The following BAIAP2L1 variants were observed in gnomAD, a reference collection of about 807,000 sequenced individuals.
BAIAP2L1 encodes BAR/IMD domain-containing adapter protein 2-like 1.
A neutral mutation model predicts 66.3 loss-of-function variants in BAIAP2L1; 35 were observed. That is an observed-to-expected ratio of 0.53 (90% CI 0.40 to 0.70). The LOEUF (loss-of-function observed/expected upper bound fraction) is 0.70. Among genes scored for constraint, BAIAP2L1 ranks in the 30% least tolerant of loss-of-function variants. BAIAP2L1 has a pLI of 0.00. For missense variants in BAIAP2L1, 622 were observed against 656.9 expected (o/e 0.95, Z 0.58); for synonymous variants, 269 against 248.7 (o/e 1.08, Z -0.77).
At position 98,292,717 on chromosome 7, in the gene BAIAP2L1, G is replaced by A. The variant is rs568371199; in HGVS notation, c.*804C>T. 4.2e-4 allele frequency: 656 copies of A among 1,551,584 alleles called. 8 individuals are homozygous for A. The South Asian group carries it at 6.5e-3, about 15-fold the overall frequency. On this transcript the variant is annotated 3_prime_UTR_variant, in exon 14 of 14. Coordinates refer to ENST00000005260, the MANE Select transcript of BAIAP2L1 (RefSeq NM_018842.5). ...TCAAACACGGAGAAACCAGGACCCC[G>A]AGCAGTTTGAGTGTACTGGTAATGG...
At chr7:98,393,178 CAT>C (rs1491335817) in intron 1 of BAIAP2L1, among the ~76,000 whole-genome samples, 7 of 78,218 alleles carry the variant, frequency 8.9e-5, no homozygotes, top group African/African-American at 2.0e-4. Context: ...TATATATATA[CAT>C]ATATGTGTGT....
chr7:98,312,781 G>A (rs1241105112), intron 7 of BAIAP2L1, among the ~76,000 whole-genome samples: 1 of 152,140 alleles, frequency 6.6e-6, no homozygotes, highest in Non-Finnish European at 1.5e-5. Flanking sequence ...GGGCAGTGCT[G>A]AGGGACGCCC....
intron 1 of BAIAP2L1, among the ~76,000 whole-genome samples, chr7:98,383,917 G>GCCGAGGGAGT (rs987125070): frequency 6.6e-6 from 1 of 151,986 alleles, no homozygotes; most frequent in African/African-American, 2.4e-5. Flanking sequence ...ATTTTGGGAG[G>GCCGAGGGAGT]CTGAGGCGGG....
intron 3 of BAIAP2L1, among the ~76,000 whole-genome samples, chr7:98,344,068 T>C (rs1307164214): frequency 1.3e-5 from 2 of 152,056 alleles, no homozygotes; most frequent in Non-Finnish European, 2.9e-5. Context: ...GTCCCAGCTA[T>C]AGGGAGGCTG....
At chr7:98,313,922 G>A (rs1027245443) in intron 7 of BAIAP2L1, among the ~76,000 whole-genome samples, 2 of 150,396 alleles carry the variant, frequency 1.3e-5, no homozygotes, top group Non-Finnish European at 2.9e-5. Flanking sequence ...GAGCCACTGT[G>A]CCTGGCCTGC....
intron 1 of BAIAP2L1, among the ~76,000 whole-genome samples, chr7:98,368,925 G>A (rs976748595): frequency 2.0e-5 from 3 of 151,494 alleles, no homozygotes; most frequent in Admixed American, 1.3e-4. Context: ...AAGCTGCTAT[G>A]AGCGATCGCA....
At chr7:98,346,554 T>C (rs534534010) in intron 3 of BAIAP2L1, among the ~76,000 whole-genome samples, 1 of 152,274 alleles carries the variant, frequency 6.6e-6, no homozygotes, top group South Asian at 2.1e-4. Flanking sequence ...GGTCCTAGAA[T>C]ATCCAAGGTA....
In BAIAP2L1 at chr7:98,292,235, C is replaced by A; in HGVS notation, c.*1286G>T. On this transcript the variant is annotated 3_prime_UTR_variant, in exon 14 of 14. Transcript: ENST00000005260. ...AAGGAGAGGGGATAAGTCACAGCCC[C>A]AGCACCCAGCAACACACACGGTGAG... The A allele has an allele frequency of 4.1e-6, 1 of 244,300 alleles. No homozygotes were observed. 15.1% of individuals were successfully genotyped at this position (244,300 alleles called of 1,614,324 possible). A position where few individuals can be genotyped will look rare whatever the true frequency, so the allele number is the denominator to read the frequency against.
At chr7:98,340,959 G>GTTTTT (rs72057720) in intron 3 of BAIAP2L1, among the ~76,000 whole-genome samples, 10,208 of 129,398 alleles carry the variant, frequency 0.079, 717 homozygotes, top group Non-Finnish European at 0.12. Flanking sequence ...CAGCTAATTG[G>GTTTTT]TTTTTTTTTT....
At position 98,401,013 on chromosome 7, in the gene BAIAP2L1, G is replaced by T; in HGVS notation, c.-161C>A. On this transcript the variant is annotated 5_prime_UTR_variant, in exon 1 of 14. Coordinates refer to ENST00000005260, the MANE Select transcript of BAIAP2L1 (RefSeq NM_018842.5). ...GAGTGCCCGCGCGCGTCTCCGCTGC[G>T]AAAATGTCAAAACTTGCGGCAGCGC... The T allele has an allele frequency of 1.9e-6, 1 of 518,386 alleles. No homozygotes were observed. The highest frequency in any genetic ancestry group is 3.0e-6 in the Non-Finnish European group (1 of 335,470). The allele number at this position is 518,386 out of a possible 1,614,324, so 32.1% of individuals were successfully genotyped here.
intron 1 of BAIAP2L1, among the ~76,000 whole-genome samples, chr7:98,383,568 T>C (rs1054407451): frequency 1.2e-4 from 18 of 152,016 alleles, no homozygotes; most frequent in Admixed American, 1.2e-3. Context: ...ATTACAGGCG[T>C]GAGCCACTGC....
intron 1 of BAIAP2L1, among the ~76,000 whole-genome samples, chr7:98,369,343 C>T (rs1010305082): frequency 3.3e-5 from 5 of 152,086 alleles, no homozygotes; most frequent in Non-Finnish European, 5.9e-5. Flanking sequence ...ATTTGCTGGG[C>T]ACGGCGGTGG....
At chr7:98,351,512 G>C (rs1802000755) in intron 3 of BAIAP2L1, among the ~76,000 whole-genome samples, 1 of 152,076 alleles carries the variant, frequency 6.6e-6, no homozygotes. Flanking sequence ...TGGAGCTTTG[G>C]GGCAAAGGTT....
At chr7:98,313,324 G>A (rs537543345) in intron 7 of BAIAP2L1, among the ~76,000 whole-genome samples, 99 of 152,208 alleles carry the variant, frequency 6.5e-4, no homozygotes, top group Non-Finnish European at 9.6e-4. Flanking sequence ...TTTGGTCTGC[G>A]TCACTCTAGA....
At chr7:98,388,791 T>C (rs527473945) in intron 1 of BAIAP2L1, among the ~76,000 whole-genome samples, 4 of 151,984 alleles carry the variant, frequency 2.6e-5, no homozygotes, top group East Asian at 1.9e-4. Flanking sequence ...CTGGGCAGCA[T>C]AGTGAAACCC....
chr7:98,299,787 TC>T (rs1378281365), intron 12 of BAIAP2L1, among the ~76,000 whole-genome samples: 6 of 152,328 alleles, frequency 3.9e-5, no homozygotes, highest in African/African-American at 1.2e-4. Context: ...ACGCCTATAT[TC>T]CCAGCACTTT....
At chr7:98,331,835 A>G (rs1353338416) in intron 3 of BAIAP2L1, among the ~76,000 whole-genome samples, 1 of 152,178 alleles carries the variant, frequency 6.6e-6, no homozygotes, top group Non-Finnish European at 1.5e-5. Context: ...TAAGAATGAC[A>G]TCAGACTTCT....
chr7:98,305,726 TTCC>T (rs1174552338), intron 11 of BAIAP2L1, among the ~76,000 whole-genome samples: 1 of 152,104 alleles, frequency 6.6e-6, no homozygotes. Context: ...CCCGGCCAGT[TTCC>T]TCATTTTTTA....
At position 98,369,475 on chromosome 7, in the gene BAIAP2L1, C is replaced by A. The variant is rs1402040341; in HGVS notation, c.52-7043G>T. ...CCTGGGCGATAAAGCGAGACCCTGT[C>A]TTGAAAAATAAAAAATTCATATGAT... On this transcript the variant is annotated intron_variant, in intron 1 of 13. Transcript: ENST00000005260. Among the ~76,000 whole-genome samples, 4 of 152,030 alleles carry A rather than the reference C, an allele frequency of 2.6e-5. No individual in the cohort carries two copies. In the East Asian group the frequency reaches 5.8e-4, roughly 22 times the overall value.
Sources: gnomAD v4.1 joint callset for allele counts (sites outside exome capture counted in the v4.1 genomes callset) on GRCh38, gnomAD v4.1.1 for gene constraint, MANE v1.5 for transcripts, NCBI Gene and HGNC (gene_info 2026-07-23, HGNC 2026-07-21) for gene names.